The following RRAGC variants were observed in gnomAD, a reference collection of about 807,000 sequenced individuals.
The protein encoded by RRAGC is ras-related GTP-binding protein C.
RRAGC carries 8 observed loss-of-function variants against 37.1 expected under a neutral mutation model. The ratio of observed to expected loss-of-function variants is 0.22; its 90% confidence interval spans 0.13 to 0.39. RRAGC has a LOEUF of 0.39. Among genes scored for constraint, RRAGC ranks in the 10% least tolerant of loss-of-function variants. The pLI is 1.00. For missense variants in RRAGC, 342 were observed against 497.6 expected, an observed-to-expected ratio of 0.69 and a Z score of 2.98; for synonymous variants, 190 against 181.1, an observed-to-expected ratio of 1.05 and a Z score of -0.39.
chr1:38,859,102 G>A (rs1001827134), intron 1 of RRAGC, among the ~76,000 whole-genome samples: 1 of 152,256 alleles, frequency 6.6e-6, no homozygotes, highest in African/African-American at 2.4e-5. Context: ...TGGAGAGTAC[G>A]TCTCAGTTTC....
Position 38,842,935 on chromosome 1 carries a change from T to C in RRAGC, c.1048+3004A>G, listed in dbSNP as rs577613804. On this transcript the variant is annotated intron_variant, in intron 6 of 6. Coordinates refer to ENST00000373001, the MANE Select transcript of RRAGC (RefSeq NM_022157.4). ...ACTACTTATATTTTTATATCATTTA[T>C]ACAATACTCTATTGTTTAAGGATAG... 3.1e-4 allele frequency among the ~76,000 whole-genome samples: 47 copies of C among 152,320 alleles called. No homozygotes were observed. The Middle Eastern group carries it at 0.017, about 55-fold the overall frequency.
At chr1:38,845,818 G>T in intron 6 of RRAGC, 121 bp downstream of exon 6, 2 of 775,022 alleles carry the variant, frequency 2.6e-6, no homozygotes, top group Non-Finnish European at 4.0e-6. Context: ...AGCAGTTTGA[G>T]CTTTTTTTTT....
intron 6 of RRAGC, among the ~76,000 whole-genome samples, chr1:38,843,052 C>T (rs1440256219): frequency 6.6e-6 from 1 of 152,130 alleles, no homozygotes; most frequent in Non-Finnish European, 1.5e-5. Context: ...TTCAGCTGGC[C>T]AGGCAGTTGG....
At position 38,856,780 on chromosome 1, in the gene RRAGC, A is replaced by T. The variant is rs981240669; in HGVS notation, c.441+99T>A. On this transcript the variant is annotated intron_variant, in intron 2 of 6. Coordinates refer to ENST00000373001, the MANE Select transcript of RRAGC (RefSeq NM_022157.4). ...ACTGTTAGGGAATCTACTGCCAAAG[A>T]GATAAGCTGCAACCACATGACAAAG... is the stretch of plus-strand genomic sequence containing the variant. The T allele has an allele frequency of 1.1e-4, 127 of 1,160,658 alleles. 1 individual carries two copies. The Middle Eastern group carries it at 2.7e-3, about 25-fold the overall frequency. The allele number at this position is 1,160,658 out of a possible 1,614,324, so 71.9% of individuals were successfully genotyped here.
chr1:38,839,524 G>C lies in RRAGC; in HGVS notation c.*29C>G. The C allele has an allele frequency of 1.9e-6, 3 of 1,612,636 alleles. No individual in the cohort carries two copies. The highest frequency in any genetic ancestry group is 2.5e-6 in the Non-Finnish European group (3 of 1,178,982). ...CCGACCCTGGAGTGAAGAGTAAGCTGGCACAGAGCCCCGACGCTGGGATTC... is the reference window on the plus strand; with the variant it reads ...CCGACCCTGGAGTGAAGAGTAAGCTCGCACAGAGCCCCGACGCTGGGATTC... On this transcript the variant is annotated 3_prime_UTR_variant, in exon 7 of 7. Transcript: ENST00000373001.
Position 38,859,687 on chromosome 1 carries a change from C to A in RRAGC, c.-41G>T, listed in dbSNP as rs1480038623. On this transcript the variant is annotated 5_prime_UTR_variant, in exon 1 of 7. Transcript: ENST00000373001. ...GCCGCCCGCGCCCTGACAGGCCAGG[C>A]CAGGCCGAGCCAGGCCGCCGCCTCC... The A allele has an allele frequency of 4.4e-6, 6 of 1,376,790 alleles. No homozygotes were observed. Among genetic ancestry groups the A allele is most frequent in the South Asian group, 1.7e-5 (1 of 59,774 alleles). The allele number at this position is 1,376,790 out of a possible 1,614,324, so 85.3% of individuals were successfully genotyped here.
rs1553154383 is a variant in RRAGC at position 38,859,729 on chromosome 1, G to GCCGCCGCCACCACCGCCA, written c.-101_-84dup. ...GCCGCCTCCCCAGTCCGCCTCCGCC[G>GCCGCCGCCACCACCGCCA]CCGCCGCCACCACCGCCACCGCCCC... is the stretch of plus-strand genomic sequence containing the variant. On this transcript the variant is annotated 5_prime_UTR_variant, in exon 1 of 7. Transcript: ENST00000373001. The GCCGCCGCCACCACCGCCA allele has an allele frequency of 1.2e-5, 14 of 1,175,044 alleles. No individual in the cohort carries two copies. In the African/African-American group the frequency reaches 1.4e-4, roughly 12 times the overall value. The allele number at this position is 1,175,044 out of a possible 1,614,324, so 72.8% of individuals were successfully genotyped here.
chr1:38,856,677 T>C (rs962616053), intron 2 of RRAGC: 6 of 501,104 alleles, frequency 1.2e-5, no homozygotes, highest in Admixed American at 3.7e-5. Context: ...ATGTAAACCA[T>C]ATCTCCTAAT....
At chr1:38,859,341 C>G in intron 1 of RRAGC, 69 bp downstream of exon 1, 2 of 1,414,260 alleles carry the variant, frequency 1.4e-6, no homozygotes, top group Non-Finnish European at 1.9e-6. Flanking sequence ...GCCGCCCTCC[C>G]GGGCGTCCCC....
chr1:38,839,901 C>T (rs951859760), intron 6 of RRAGC, among the ~76,000 whole-genome samples, 197 bp from the exon 7 acceptor site: 2 of 151,850 alleles, frequency 1.3e-5, no homozygotes, highest in African/African-American at 2.4e-5. Context: ...AACCCCAGCA[C>T]TTTGGGAGGC....
intron 5 of RRAGC, 68 bp downstream of exon 5, chr1:38,851,547 T>C: frequency 3.6e-6 from 5 of 1,404,052 alleles, no homozygotes; most frequent in Non-Finnish European, 4.7e-6. Flanking sequence ...GAAATTAGTC[T>C]TCTGAACAAA....
At chr1:38,841,464 T>A (rs1037096232) in intron 6 of RRAGC, among the ~76,000 whole-genome samples, 5 of 151,732 alleles carry the variant, frequency 3.3e-5, no homozygotes, top group African/African-American at 1.2e-4. Flanking sequence ...ACTCCTGTGC[T>A]CAAGCAATCC....
Position 38,851,381 on chromosome 1 carries a change from A to G in RRAGC, c.899+234T>C, listed in dbSNP as rs1642099491. On this transcript the variant is annotated intron_variant, in intron 5 of 6. Coordinates refer to ENST00000373001, the MANE Select transcript of RRAGC (RefSeq NM_022157.4). ...ACAGTGGGAGAAACTTGCAGTGATA[A>G]ACAAGTCCAGTTCTAGTCATGCTTT... is the stretch of plus-strand genomic sequence containing the variant. The G allele has an allele frequency of 1.6e-5, 5 of 322,226 alleles. No individual in the cohort carries two copies. In the East Asian group the frequency reaches 2.4e-4, roughly 16 times the overall value. 20.0% of individuals were successfully genotyped at this position (322,226 alleles called of 1,614,324 possible).
In RRAGC at chr1:38,856,899, T is replaced by C. The variant is rs1321556313; in HGVS notation, c.421A>G (p.Ile141Val). Residue 141 changes from isoleucine (I) to valine (V), a missense_variant, in exon 2 of 7, where the codon ATA (isoleucine) becomes GTA (valine). Physicochemically the swap from Ile to Val is conservative, Grantham distance 29. This residue lies in a region of RRAGC where 134 missense variants were observed against 277.2 expected (regional missense o/e 0.48). Transcript: ENST00000373001. ...EMIFRGTGAL[I>V]YVIDAQDDYM... ...ACTACCTGTGCGTCAATGACGTATA[T>C]CAATGCTCCTGTTCCCCTGAAGATC... The C allele has an allele frequency of 6.2e-7, 1 of 1,614,040 alleles. No individual in the cohort carries two copies. The highest frequency in any genetic ancestry group is 1.1e-5 in the South Asian group (1 of 91,092).
rs1245835438 is a variant in RRAGC at position 38,851,772 on chromosome 1, T to G, written c.757-15A>C. On this transcript the variant is annotated splice_polypyrimidine_tract_variant and intron_variant, in intron 4 of 6. Transcript: ENST00000373001. ...ATACCTGAATTCTTGGAAAAACAAA[T>G]GGGAAACTGTTCAGTATTTTTTAAG... 13 of 1,603,202 alleles carry G rather than the reference T, an allele frequency of 8.1e-6. No individual in the cohort carries two copies. The highest frequency in any genetic ancestry group is 1.3e-5 in the African/African-American group (1 of 74,308).
chr1:38,851,504 C>A, intron 5 of RRAGC, 111 bp downstream of exon 5: 1 of 948,528 alleles, frequency 1.1e-6, no homozygotes, highest in African/African-American at 1.7e-5. Context: ...AGAACAATCC[C>A]AGTTCATGTA....
intron 3 of RRAGC, among the ~76,000 whole-genome samples, chr1:38,854,903 C>T (rs1015507266): frequency 6.6e-6 from 1 of 152,110 alleles, no homozygotes; most frequent in African/African-American, 2.4e-5. Context: ...CTACTTCTAT[C>T]GTCAAGAGAA....
At chr1:38,853,827 G>A (rs886127549) in intron 3 of RRAGC, among the ~76,000 whole-genome samples, 1 of 151,842 alleles carries the variant, frequency 6.6e-6, no homozygotes, top group Non-Finnish European at 1.5e-5. Flanking sequence ...CTAGATGTAA[G>A]AGCACTGGAA....
In RRAGC at chr1:38,859,523, C is replaced by A. The variant is rs765413269; in HGVS notation, c.124G>T (p.Gly42Ter). ...CCGCCTGCCCCTGCCCCAACCCCTCCGCCCGCCGCCGCCGCCTCCTCTTCC... is the reference window on the plus strand; with the variant it reads ...CCGCCTGCCCCTGCCCCAACCCCTCAGCCCGCCGCCGCCGCCTCCTCTTCC... ...EEEEEAAAAG[G>*]GVGAGAGGGC... The change falls in exon 1 of 7, where the codon GGA becomes TGA. Residue 42 changes from glycine to a stop codon, truncating the protein, a stop_gained. Coordinates refer to ENST00000373001, the MANE Select transcript of RRAGC (RefSeq NM_022157.4). LOFTEE classifies it high-confidence loss of function. 6.5e-7 allele frequency: 1 copy of A among 1,547,654 alleles called. No individual in the cohort carries two copies. Among genetic ancestry groups the A allele is most frequent in the South Asian group, 1.2e-5 (1 of 83,950 alleles).
Sources: allele counts gnomAD v4.1 joint callset (sites outside exome capture counted in the v4.1 genomes callset), GRCh38; gene constraint gnomAD v4.1.1; regional missense constraint gnomAD v4.1.1; transcripts MANE v1.5; gene names NCBI Gene and HGNC (gene_info 2026-07-23, HGNC 2026-07-21).